The following CSMD1 variants were observed in gnomAD, a reference collection of about 807,000 sequenced individuals.
CSMD1 encodes the protein CUB and Sushi multiple domains 1.
Under a neutral mutation model 417.5 loss-of-function variants are expected in CSMD1, and 213 were observed. The observed-to-expected ratio is 0.51, with a 90% CI of 0.46 to 0.57. CSMD1 has a LOEUF of 0.57. Ranked by LOEUF, CSMD1 falls within the 20% of genes least tolerant of loss-of-function variation. The pLI is 0.00. For synonymous variants in CSMD1, 2,862 were observed against 1,736.8 expected, an observed-to-expected ratio of 1.65 and a Z score of -16.11; for missense variants, 6,923 against 4,529.7, an observed-to-expected ratio of 1.53 and a Z score of -15.17.
At chr8:3,112,381 G>GT (rs992913591) in intron 42 of CSMD1, among the ~76,000 whole-genome samples, 1 of 152,024 alleles carries the variant, frequency 6.6e-6, no homozygotes, top group African/African-American at 2.4e-5. Flanking sequence ...ATTATATATA[G>GT]TAGCACCCTT....
intron 5 of CSMD1, among the ~76,000 whole-genome samples, chr8:3,957,648 C>A (rs924281094): frequency 6.6e-6 from 1 of 151,650 alleles, no homozygotes; most frequent in Non-Finnish European, 1.5e-5. Flanking sequence ...CATGCCACTG[C>A]ACTCCAGCCT....
intron 3 of CSMD1, among the ~76,000 whole-genome samples, chr8:4,311,235 G>A (rs66552562): frequency 0.63 from 95,047 of 151,990 alleles, 30,676 homozygotes; most frequent in East Asian, 0.86. Context: ...AACAGCAAAG[G>A]CACGGAATCA....
chr8:4,603,707 A>G (rs1443327801), intron 2 of CSMD1, among the ~76,000 whole-genome samples: 5 of 152,126 alleles, frequency 3.3e-5, no homozygotes, highest in African/African-American at 1.2e-4. Flanking sequence ...TCACTTCTAA[A>G]TGTTGGCTTG....
chr8:4,478,570 G>C (rs938177661), intron 2 of CSMD1, among the ~76,000 whole-genome samples: 1 of 152,130 alleles, frequency 6.6e-6, no homozygotes. Flanking sequence ...ATTGATGATA[G>C]TAAACGACAT....
intron 1 of CSMD1, among the ~76,000 whole-genome samples, chr8:4,763,671 T>C (rs964525642): frequency 1.3e-5 from 2 of 152,160 alleles, no homozygotes; most frequent in African/African-American, 4.8e-5. Context: ...TAAATAAAGA[T>C]TGAGTTTCAA....
intron 30 of CSMD1, among the ~76,000 whole-genome samples, chr8:3,206,883 C>T (rs911195800): frequency 2.6e-5 from 4 of 152,038 alleles, no homozygotes; most frequent in Non-Finnish European, 5.9e-5. Context: ...CTTTAGATTG[C>T]CAGTACTCTA....
intron 5 of CSMD1, among the ~76,000 whole-genome samples, chr8:3,817,252 CTTTTTTTTTTTTTTTTTTTTTTTTTTT>C (rs767668610): frequency 1.0e-3 from 56 of 54,418 alleles, no homozygotes; most frequent in East Asian, 2.1e-3. Flanking sequence ...TCTTCTTCTT[CTTTTTTTTTTTTTTTTTTTTTTTTTTT>C]TTTTTTTTTT....
intron 8 of CSMD1, among the ~76,000 whole-genome samples, chr8:3,593,210 G>C (rs1400745668): frequency 8.5e-5 from 13 of 152,242 alleles, no homozygotes. Context: ...TTGGGACCAA[G>C]ACCCAAGCTG....
Position 3,896,703 on chromosome 8 carries a change from G to A in CSMD1, c.818+101200C>T, listed in dbSNP as rs949024655. The stretch of plus-strand genomic sequence containing the variant: ...TTTTTCTTATTTTTATTGGAGACGG[G>A]ATTTCACCACATTAGCCAGGATGGT... On this transcript the variant is annotated intron_variant, in intron 5 of 69. Coordinates refer to ENST00000635120, the MANE Select transcript of CSMD1 (RefSeq NM_033225.6). Among the ~76,000 whole-genome samples the A allele has an allele frequency of 2.0e-5, 3 of 151,780 alleles. No individual in the cohort carries two copies. In the East Asian group the frequency reaches 5.8e-4, roughly 29 times the overall value.
intron 49 of CSMD1, among the ~76,000 whole-genome samples, chr8:3,081,146 G>T (rs571340735): frequency 6.6e-6 from 1 of 152,314 alleles, no homozygotes; most frequent in African/African-American, 2.4e-5. Flanking sequence ...ATTGGTAGCT[G>T]GAGGGCCTAA....
chr8:4,543,437 A>T (rs11786837), intron 2 of CSMD1, among the ~76,000 whole-genome samples: 43,484 of 151,912 alleles, frequency 0.29, 6,924 homozygotes, highest in East Asian at 0.39. Context: ...AGCATTGTGC[A>T]GTTAAGTTTC....
At chr8:3,443,433 C>T (rs546730424) in intron 12 of CSMD1, among the ~76,000 whole-genome samples, 1 of 152,196 alleles carries the variant, frequency 6.6e-6, no homozygotes, top group African/African-American at 2.4e-5. Flanking sequence ...TACTGCTTAC[C>T]CAATTTGGGA....
At chr8:4,426,996 A>G (rs764650582) in intron 2 of CSMD1, among the ~76,000 whole-genome samples, 4 of 152,216 alleles carry the variant, frequency 2.6e-5, no homozygotes, top group East Asian at 1.9e-4. Context: ...GACAATTTAG[A>G]TATCAAGAAG....
intron 3 of CSMD1, among the ~76,000 whole-genome samples, chr8:4,128,143 C>G (rs1563159321): frequency 6.6e-6 from 1 of 152,110 alleles, no homozygotes; most frequent in African/African-American, 2.4e-5. Flanking sequence ...CCACCCCCAC[C>G]TCTGGAGAAA....
chr8:3,007,112 A>T, intron 52 of CSMD1, among the ~76,000 whole-genome samples: 1 of 149,284 alleles, frequency 6.7e-6, no homozygotes, highest in South Asian at 2.1e-4. Flanking sequence ...AAGTGGGCAA[A>T]GGACATGAAC....
intron 49 of CSMD1, among the ~76,000 whole-genome samples, chr8:3,072,872 T>C (rs998678542): frequency 6.6e-6 from 1 of 152,194 alleles, no homozygotes; most frequent in Admixed American, 6.5e-5. Flanking sequence ...GGAACATAAA[T>C]ATCATGTTAA....
chr8:4,277,455 C>G (rs1192686875), intron 3 of CSMD1, among the ~76,000 whole-genome samples: 1 of 152,150 alleles, frequency 6.6e-6, no homozygotes, highest in African/African-American at 2.4e-5. Flanking sequence ...AACCTCCTCA[C>G]CACATACTTA....
chr8:4,067,395 C>T (rs1388848148), intron 3 of CSMD1, among the ~76,000 whole-genome samples: 1 of 152,128 alleles, frequency 6.6e-6, no homozygotes, highest in Non-Finnish European at 1.5e-5. Context: ...GGTAGAAAAA[C>T]AGTATTTCCT....
At chr8:3,869,374 G>C (rs1035166932) in intron 5 of CSMD1, among the ~76,000 whole-genome samples, 6 of 152,088 alleles carry the variant, frequency 3.9e-5, no homozygotes, top group African/African-American at 1.2e-4. Context: ...ATAATACATA[G>C]AGACTGATAG....
Sources: allele counts gnomAD v4.1 joint callset (sites outside exome capture counted in the v4.1 genomes callset), GRCh38; gene constraint gnomAD v4.1.1; transcripts MANE v1.5; gene names NCBI Gene and HGNC (gene_info 2026-07-23, HGNC 2026-07-21).